C6orf163: variants seen among roughly 807,000 people sequenced by gnomAD.
The protein encoded by C6orf163 is uncharacterized protein C6orf163.
Under a neutral mutation model 28.4 loss-of-function variants are expected in C6orf163, and 22 were observed. The ratio of observed to expected loss-of-function variants is 0.78; its 90% CI spans 0.55 to 1.11. C6orf163 has a LOEUF of 1.11. Among genes scored for constraint, C6orf163 ranks in the 50% least tolerant of loss-of-function variants. C6orf163 has a pLI of 0.00. For synonymous variants in C6orf163, 110 were observed against 123.6 expected (o/e 0.89, Z 0.73); for missense variants, 342 against 389.1 (o/e 0.88, Z 1.02).
chr6:87,347,659 G>C (rs1189673006), intron 1 of C6orf163: 1 of 984,962 alleles, frequency 1.0e-6, no homozygotes, highest in African/African-American at 1.7e-5. Flanking sequence ...ACTCAGAATA[G>C]ACTGCATGAA....
At position 87,345,288 on chromosome 6, in the gene C6orf163, A is replaced by G. The variant is rs570425664; in HGVS notation, c.148+41A>G. On this transcript the variant is annotated intron_variant, in intron 1 of 4. Transcript: ENST00000388923. Reference sequence around the variant, plus strand: ...GTTTTCCTTTGTTCTAATGCTTCATAGCCTTATGTGTCATTCTTTCTGTTA... The same window carrying G: ...GTTTTCCTTTGTTCTAATGCTTCATGGCCTTATGTGTCATTCTTTCTGTTA... The G allele has an allele frequency of 7.5e-6, 11 of 1,475,452 alleles. 1 individual carries two copies. The South Asian group carries it at 1.4e-4, about 18-fold the overall frequency. 91.4% of individuals were successfully genotyped at this position (1,475,452 alleles called of 1,614,324 possible). A position where few individuals can be genotyped will look rare whatever the true frequency, so the allele number is the denominator to read the frequency against.
chr6:87,345,125 A>C lies in C6orf163; in HGVS notation c.26A>C (p.Asn9Thr). Reference protein sequence around the residue: MIRNSDYKNFVCCAVCNKI... With the variant: MIRNSDYKTFVCCAVCNKI... ...ATGATCAGAAATTCAGATTACAAAA[A>C]CTTTGTTTGCTGTGCTGTTTGTAAT... Residue 9 changes from asparagine (N) to threonine (T), a missense_variant, in exon 1 of 5, where the codon AAC becomes ACC. Asn to Thr is a moderately conservative substitution (Grantham distance 65). Transcript: ENST00000388923. 6.5e-7 allele frequency: 1 copy of C among 1,530,960 alleles called. No homozygotes were observed. The highest frequency in any genetic ancestry group is 8.7e-7 in the Non-Finnish European group (1 of 1,145,174). The allele number at this position is 1,530,960 out of a possible 1,614,324, so 94.8% of individuals were successfully genotyped here.
At position 87,345,122 on chromosome 6, in the gene C6orf163, A is replaced by G. The variant is rs183868512; in HGVS notation, c.23A>G (p.Lys8Arg). MIRNSDY[K>R]NFVCCAVCNK... ...ACTATGATCAGAAATTCAGATTACAAAAACTTTGTTTGCTGTGCTGTTTGT... is the reference window on the plus strand; with the variant it reads ...ACTATGATCAGAAATTCAGATTACAGAAACTTTGTTTGCTGTGCTGTTTGT... Residue 8 changes from lysine (K) to arginine (R), a missense_variant, in exon 1 of 5, where the codon AAA becomes AGA. By Grantham distance (26) the Lys-to-Arg change is conservative (BLOSUM62 2). Coordinates refer to ENST00000388923, the MANE Select transcript of C6orf163 (RefSeq NM_001010868.3). 84 of 1,530,968 alleles carry G rather than the reference A, an allele frequency of 5.5e-5. No individual in the cohort carries two copies. Among genetic ancestry groups the G allele is most frequent in the Non-Finnish European group, 7.0e-5 (80 of 1,145,234 alleles). The allele number at this position is 1,530,968 out of a possible 1,614,324, so 94.8% of individuals were successfully genotyped here. A position where few individuals can be genotyped will look rare whatever the true frequency, so the allele number is the denominator to read the frequency against.
At chr6:87,358,398 G>A (rs924593688) in intron 4 of C6orf163, 12 of 152,054 alleles carry the variant, frequency 7.9e-5, no homozygotes, top group Admixed American at 7.9e-4. Flanking sequence ...ACGAGGTCAG[G>A]AGATCGAGAC....
chr6:87,347,581 G>A (rs1235486611), intron 1 of C6orf163: 14 of 985,224 alleles, frequency 1.4e-5, no homozygotes, highest in Middle Eastern at 5.2e-4. Context: ...TTTAAGATTC[G>A]CTGATGAACT....
intron 1 of C6orf163, chr6:87,347,322 T>TAAA (rs926802688): frequency 2.3e-6 from 2 of 881,984 alleles, no homozygotes; most frequent in African/African-American, 3.6e-5. Flanking sequence ...TGTGCATTTT[T>TAAA]AAAAAAAGCT....
chr6:87,360,135 C>T lies in C6orf163; in HGVS notation c.554+3632C>T, dbSNP rs1025029224. ...CTTCTGGCCCTGCTCCTCCTCTGTG[C>T]GTGGTGATCCTTCAAATGTTTGAGG... is the stretch of plus-strand genomic sequence containing the variant. On this transcript the variant is annotated intron_variant, in intron 4 of 4. Coordinates refer to ENST00000388923, the MANE Select transcript of C6orf163 (RefSeq NM_001010868.3). Among the ~76,000 whole-genome samples the T allele has an allele frequency of 3.2e-4, 48 of 152,114 alleles. 1 individual carries two copies. The highest frequency in any genetic ancestry group is 1.1e-3 in the African/African-American group (45 of 41,420).
At chr6:87,347,401 A>G in intron 1 of C6orf163, 2 of 985,196 alleles carry the variant, frequency 2.0e-6, no homozygotes, top group Non-Finnish European at 2.4e-6. Context: ...TAAACATAAA[A>G]GAGGATAGTG....
intron 3 of C6orf163, among the ~76,000 whole-genome samples, chr6:87,353,228 C>G (rs1777444547): frequency 6.6e-6 from 1 of 151,952 alleles, no homozygotes; most frequent in South Asian, 2.1e-4. Flanking sequence ...ACTTCACAAC[C>G]CAGCCAAAAT....
At chr6:87,345,940 A>AT (rs140414756) in intron 1 of C6orf163, among the ~76,000 whole-genome samples, 6 of 141,340 alleles carry the variant, frequency 4.2e-5, no homozygotes, top group South Asian at 2.2e-4. Flanking sequence ...AAAAAAAAAA[A>AT]TTTTAAAGTA....
chr6:87,356,324 A>C lies in C6orf163; in HGVS notation c.375A>C (p.Thr125=), dbSNP rs777839651. 2 of 1,551,524 alleles carry C rather than the reference A, an allele frequency of 1.3e-6. No individual in the cohort carries two copies. The highest frequency in any genetic ancestry group is 4.9e-5 in the East Asian group (2 of 40,940). ...DLQEVTAKTK[T]EMYQNMDDEM... Reference sequence around the variant, plus strand: ...AGGAAGTGACAGCTAAAACTAAGACAGAGATGTATCAAAACATGGATGACG... The same window carrying C: ...AGGAAGTGACAGCTAAAACTAAGACCGAGATGTATCAAAACATGGATGACG... The change falls in exon 4 of 5, where the codon ACA becomes ACC. Residue 125 remains threonine, a synonymous_variant. Transcript: ENST00000388923.
At chr6:87,360,110 C>T (rs1777559975) in intron 4 of C6orf163, among the ~76,000 whole-genome samples, 1 of 152,184 alleles carries the variant, frequency 6.6e-6, no homozygotes, top group East Asian at 1.9e-4. Flanking sequence ...TTACCCTTGG[C>T]TTCTGGCCCT....
chr6:87,350,567 A>C (rs932497893), intron 3 of C6orf163, 66 bp downstream of exon 3: 1 of 903,930 alleles, frequency 1.1e-6, no homozygotes. Context: ...AAAGTTGGCA[A>C]GGGAATGAGA....
At position 87,347,842 on chromosome 6, in the gene C6orf163, C is replaced by G. The variant is rs1159625458; in HGVS notation, c.149-970C>G. The G allele has an allele frequency of 5.1e-6, 5 of 985,360 alleles. No individual in the cohort carries two copies. The South Asian group carries it at 2.3e-4, about 46-fold the overall frequency. 61.0% of individuals were successfully genotyped at this position (985,360 alleles called of 1,614,324 possible). On this transcript the variant is annotated intron_variant, in intron 1 of 4. Transcript: ENST00000388923. ...TGTGGATCCAGATAGCTCTAAGAAT[C>G]TATTACCTTCAGCTTAGAAATCCCA...
chr6:87,345,684 G>A (rs1252918163), intron 1 of C6orf163, among the ~76,000 whole-genome samples: 3 of 152,068 alleles, frequency 2.0e-5, no homozygotes, highest in Non-Finnish European at 2.9e-5. Context: ...CACTTTGGGT[G>A]GTCGAGGTGG....
chr6:87,353,011 G>A (rs1006521197), intron 3 of C6orf163, among the ~76,000 whole-genome samples: 3 of 152,066 alleles, frequency 2.0e-5, no homozygotes, highest in African/African-American at 7.2e-5. Flanking sequence ...TTCAATGTAA[G>A]GTCTCCTTAC....
At chr6:87,354,710 T>G (rs957339766) in intron 3 of C6orf163, among the ~76,000 whole-genome samples, 3 of 152,244 alleles carry the variant, frequency 2.0e-5, no homozygotes, top group Non-Finnish European at 2.9e-5. Flanking sequence ...AGTGTCTGTT[T>G]CATTTTTTAA....
At chr6:87,356,697 A>G (rs1385170149) in intron 4 of C6orf163, 194 bp downstream of exon 4, 2 of 562,328 alleles carry the variant, frequency 3.6e-6, no homozygotes, top group Admixed American at 3.2e-5. Context: ...AAATAATAAC[A>G]TAAATACTCA....
chr6:87,361,086 T>C (rs190503457), intron 4 of C6orf163, among the ~76,000 whole-genome samples: 1 of 151,900 alleles, frequency 6.6e-6, no homozygotes, highest in East Asian at 1.9e-4. Flanking sequence ...ATCACTTGAG[T>C]CCAGCCTGGC....
Sources: gnomAD v4.1 joint callset for allele counts (sites outside exome capture counted in the v4.1 genomes callset) on GRCh38, gnomAD v4.1.1 for gene constraint, MANE v1.5 for transcripts, NCBI Gene and HGNC (gene_info 2026-07-23, HGNC 2026-07-21) for gene names.